The following GRIA1 variants were observed in gnomAD, a reference collection of about 807,000 sequenced individuals.
GRIA1 encodes glutamate ionotropic receptor AMPA type subunit 1.
Under a neutral mutation model 99.2 loss-of-function variants are expected in GRIA1, and 31 were observed. The ratio of observed to expected loss-of-function variants is 0.31; its 90% CI spans 0.23 to 0.42. The LOEUF is 0.42. Among genes scored for constraint, GRIA1 ranks in the 10% least tolerant of loss-of-function variants. GRIA1 has a pLI of 1.00. For synonymous variants in GRIA1, 438 were observed against 432.4 expected (o/e 1.01, Z -0.16); for missense variants, 782 against 1,157.5 (o/e 0.68, Z 4.71).
chr5:153,744,889 G>T (rs1025027978), intron 11 of GRIA1, among the ~76,000 whole-genome samples: 1 of 152,220 alleles, frequency 6.6e-6, no homozygotes, highest in African/African-American at 2.4e-5. Flanking sequence ...AAAAGTAGAG[G>T]AGTTCAGAGA....
intron 13 of GRIA1, among the ~76,000 whole-genome samples, chr5:153,781,001 A>C (rs951212861): frequency 3.9e-5 from 6 of 152,206 alleles, no homozygotes; most frequent in African/African-American, 1.4e-4. Context: ...GCAGGCAGAA[A>C]GGAAGGAATA....
At chr5:153,627,661 G>A (rs767964975) in intron 2 of GRIA1, among the ~76,000 whole-genome samples, 9 of 152,192 alleles carry the variant, frequency 5.9e-5, no homozygotes, top group African/African-American at 1.7e-4. Flanking sequence ...GGACAGCAGC[G>A]AGGAGAGTGG....
intron 2 of GRIA1, among the ~76,000 whole-genome samples, chr5:153,604,940 T>A (rs1458281837): frequency 1.3e-5 from 2 of 151,956 alleles, no homozygotes; most frequent in Non-Finnish European, 2.9e-5. Context: ...GACAACCAAG[T>A]AGAAAAACAG....
chr5:153,491,673 A>G (rs1753932745), intron 1 of GRIA1, among the ~76,000 whole-genome samples: 1 of 151,742 alleles, frequency 6.6e-6, no homozygotes, highest in Admixed American at 6.6e-5. Context: ...TAGATTTCCT[A>G]TCCACAGAGG....
chr5:153,502,292 A>T (rs1755077311), intron 2 of GRIA1, among the ~76,000 whole-genome samples: 2 of 152,300 alleles, frequency 1.3e-5, no homozygotes, highest in Middle Eastern at 3.4e-3. Context: ...ACCACAGTAT[A>T]GTGTTCAGTG....
intron 2 of GRIA1, among the ~76,000 whole-genome samples, chr5:153,612,953 C>T (rs1226476500): frequency 6.6e-6 from 1 of 151,816 alleles, no homozygotes; most frequent in Non-Finnish European, 1.5e-5. Context: ...GTTTGAAGAA[C>T]ACTTATTTAT....
chr5:153,679,670 T>A (rs1756837348), intron 7 of GRIA1, among the ~76,000 whole-genome samples: 1 of 152,242 alleles, frequency 6.6e-6, no homozygotes, highest in Non-Finnish European at 1.5e-5. Flanking sequence ...GAAATAGCCA[T>A]GCCACCAGGG....
Position 153,784,062 on chromosome 5 carries a change from C to T in GRIA1, c.2271-10559C>T, listed in dbSNP as rs147124839. ...AATTTGTCCAGAATTACTCTCAAAG[C>T]ACTTTCCCATCTGTCACCTCATTTA... On this transcript the variant is annotated intron_variant, in intron 13 of 15. Coordinates refer to ENST00000285900, the MANE Select transcript of GRIA1 (RefSeq NM_000827.4). Among the ~76,000 whole-genome samples, 30 of 152,312 alleles carry T rather than the reference C, an allele frequency of 2.0e-4. No homozygotes were observed. The East Asian group carries it at 4.8e-3, about 25-fold the overall frequency.
At chr5:153,490,107 G>A (rs1395411000), upstream of GRIA1, among the ~76,000 whole-genome samples, 1 of 151,412 alleles carries the variant, frequency 6.6e-6, no homozygotes, top group Non-Finnish European at 1.5e-5. Context: ...TTTCCTAGGA[G>A]GGATTTCTAG....
intron 11 of GRIA1, among the ~76,000 whole-genome samples, chr5:153,758,263 G>T (rs1762953406): frequency 6.6e-6 from 1 of 151,906 alleles, no homozygotes; most frequent in Non-Finnish European, 1.5e-5. Context: ...TAGCGTGGCT[G>T]AATTAATAAA....
chr5:153,665,785 A>G (rs1755700507), intron 5 of GRIA1, among the ~76,000 whole-genome samples: 1 of 152,228 alleles, frequency 6.6e-6, no homozygotes, highest in African/African-American at 2.4e-5. Flanking sequence ...TATATAAAAC[A>G]GATAAAAAGC....
At chr5:153,736,575 G>T (rs1253798074) in intron 11 of GRIA1, among the ~76,000 whole-genome samples, 1 of 152,144 alleles carries the variant, frequency 6.6e-6, no homozygotes, top group Non-Finnish European at 1.5e-5. Flanking sequence ...CTGGATGTTT[G>T]GGGGTAGCTG....
intron 2 of GRIA1, among the ~76,000 whole-genome samples, chr5:153,607,693 G>A (rs900972212): frequency 6.6e-6 from 1 of 151,838 alleles, no homozygotes; most frequent in African/African-American, 2.4e-5. Flanking sequence ...TTTCCCAGAT[G>A]GTACAAAGAC....
At chr5:153,649,172 C>T (rs755885519) in intron 3 of GRIA1, among the ~76,000 whole-genome samples, 1 of 152,152 alleles carries the variant, frequency 6.6e-6, no homozygotes, top group Non-Finnish European at 1.5e-5. Context: ...TCCCTAGAAC[C>T]TTTAGACACC....
At chr5:153,520,916 G>A (rs1251170675) in intron 2 of GRIA1, among the ~76,000 whole-genome samples, 1 of 152,036 alleles carries the variant, frequency 6.6e-6, no homozygotes, top group African/African-American at 2.4e-5. Context: ...AATGTTTTAG[G>A]CCCCAGTTTA....
chr5:153,739,238 A>C (rs1761610802), intron 11 of GRIA1, among the ~76,000 whole-genome samples: 1 of 152,092 alleles, frequency 6.6e-6, no homozygotes, highest in African/African-American at 2.4e-5. Flanking sequence ...CACCTCTGCC[A>C]TTCTTCCACT....
At chr5:153,793,290 G>A (rs1420713847) in intron 13 of GRIA1, among the ~76,000 whole-genome samples, 1 of 152,180 alleles carries the variant, frequency 6.6e-6, no homozygotes, top group Admixed American at 6.5e-5. Context: ...ATGGGGAGCA[G>A]TCTGGGTTTG....
intron 11 of GRIA1, among the ~76,000 whole-genome samples, chr5:153,712,485 A>C (rs879020179): frequency 1.3e-5 from 2 of 152,146 alleles, no homozygotes; most frequent in Admixed American, 1.3e-4. Flanking sequence ...TTTGGCACTG[A>C]GAGTCTATGA....
intron 11 of GRIA1, among the ~76,000 whole-genome samples, chr5:153,706,569 C>T (rs1177787015): frequency 6.6e-6 from 1 of 152,218 alleles, no homozygotes; most frequent in Non-Finnish European, 1.5e-5. Context: ...ATTCAGAATG[C>T]TGTCCTTTCC....
Sources: allele counts gnomAD v4.1 joint callset (sites outside exome capture counted in the v4.1 genomes callset), GRCh38; gene constraint gnomAD v4.1.1; transcripts MANE v1.5; gene names NCBI Gene and HGNC (gene_info 2026-07-23, HGNC 2026-07-21).